The following TGFBRAP1 variants were observed in gnomAD, a reference collection of about 807,000 sequenced individuals.
TGFBRAP1 encodes the protein transforming growth factor-beta receptor-associated protein 1.
Under a neutral mutation model 83.2 loss-of-function variants are expected in TGFBRAP1, and 20 were observed. That is an observed-to-expected ratio of 0.24 (90% CI 0.17 to 0.35). The LOEUF (loss-of-function observed/expected upper bound fraction) is 0.35. Among genes scored for constraint, TGFBRAP1 ranks in the 10% least tolerant of loss-of-function variants. The pLI, the probability that TGFBRAP1 is intolerant of heterozygous loss-of-function variation, is 1.00. For synonymous variants in TGFBRAP1, 415 were observed against 459.8 expected, an observed-to-expected ratio of 0.90 and a Z score of 1.25; for missense variants, 950 against 1,099.4, an observed-to-expected ratio of 0.86 and a Z score of 1.92.
chr2:105,252,904 C>A, the TGFBRAP1 span, among the ~76,000 whole-genome samples: 4 of 151,572 alleles, frequency 2.6e-5, no homozygotes, highest in Admixed American at 2.6e-4. Context: ...AGGGGTCCAC[C>A]ACCACACCCG....
intron 2 of TGFBRAP1, among the ~76,000 whole-genome samples, chr2:105,304,400 G>GA (rs1287043476): frequency 2.0e-5 from 3 of 152,034 alleles, no homozygotes; most frequent in South Asian, 4.1e-4. Flanking sequence ...TCAATTTTCC[G>GA]AAAAAAATGT....
chr2:105,299,001 G>A (rs1240780859), intron 2 of TGFBRAP1, among the ~76,000 whole-genome samples: 1 of 152,086 alleles, frequency 6.6e-6, no homozygotes, highest in Admixed American at 6.6e-5. Context: ...AAAATAGGCC[G>A]GACGTGGTGG....
chr2:105,268,052 G>T (rs993216805), intron 11 of TGFBRAP1, among the ~76,000 whole-genome samples: 2 of 152,240 alleles, frequency 1.3e-5, no homozygotes, highest in African/African-American at 4.8e-5. Flanking sequence ...CGTTTCCTTA[G>T]AGGTAACTGG....
At chr2:105,318,951 G>T (rs2104414369) in intron 1 of TGFBRAP1, among the ~76,000 whole-genome samples, 1 of 152,152 alleles carries the variant, frequency 6.6e-6, no homozygotes, top group South Asian at 2.1e-4. Flanking sequence ...GTTCAAAACT[G>T]GTTTTACTAT....
At chr2:105,271,897 T>G (rs1164688803) in intron 10 of TGFBRAP1, among the ~76,000 whole-genome samples, 1 of 152,184 alleles carries the variant, frequency 6.6e-6, no homozygotes, top group East Asian at 1.9e-4. Flanking sequence ...TCAGCTGTCG[T>G]ACTAGCTACA....
chr2:105,301,279 C>A (rs767968373), intron 2 of TGFBRAP1, among the ~76,000 whole-genome samples: 1 of 151,826 alleles, frequency 6.6e-6, no homozygotes, highest in Admixed American at 6.6e-5. Flanking sequence ...ATTCCTTACA[C>A]TCTTCAGTAT....
chr2:105,321,944 G>A (rs760130109), intron 1 of TGFBRAP1, among the ~76,000 whole-genome samples: 35 of 152,264 alleles, frequency 2.3e-4, no homozygotes, highest in South Asian at 4.2e-4. Context: ...ATTTTAGAGC[G>A]TACACCTACT....
chr2:105,306,592 G>A (rs544010378), intron 2 of TGFBRAP1, among the ~76,000 whole-genome samples: 1 of 152,030 alleles, frequency 6.6e-6, no homozygotes, highest in East Asian at 2.0e-4. Flanking sequence ...GAGGTCAGGA[G>A]TTCAAGACCA....
intron 2 of TGFBRAP1, among the ~76,000 whole-genome samples, chr2:105,300,490 G>A (rs1182451589): frequency 7.0e-6 from 1 of 143,372 alleles, no homozygotes; most frequent in African/African-American, 2.6e-5. Context: ...AGGCTGGAGT[G>A]CAGTGGCACC....
At position 105,267,319 on chromosome 2, in the gene TGFBRAP1, C is replaced by G; in HGVS notation, c.*64G>C. The G allele has an allele frequency of 6.3e-7, 1 of 1,590,398 alleles. No homozygotes were observed. The highest frequency in any genetic ancestry group is 8.6e-7 in the Non-Finnish European group (1 of 1,167,246). On this transcript the variant is annotated 3_prime_UTR_variant, in exon 12 of 12. Transcript: ENST00000393359. ...TGACACAGAGCATGGTGGTCATCTGCTCTTCATGTCCAGCAGGCTCAGAAA... is the reference window on the plus strand; with the variant it reads ...TGACACAGAGCATGGTGGTCATCTGGTCTTCATGTCCAGCAGGCTCAGAAA...
intron 1 of TGFBRAP1, chr2:105,324,306 A>G (rs545359438): frequency 6.6e-6 from 1 of 152,338 alleles, no homozygotes; most frequent in Admixed American, 6.5e-5. Context: ...AATTACTTCA[A>G]ATTTTAAAAT....
Position 105,311,056 on chromosome 2 carries a change from C to A in TGFBRAP1, c.-17-2738G>T, listed in dbSNP as rs1267282358. ...ATAAGGGATAAACTAAACACATTTG[C>A]AGTAAAGAATATTATAGAAAGAATC... is the stretch of plus-strand genomic sequence containing the variant. On this transcript the variant is annotated intron_variant, in intron 1 of 11. Transcript: ENST00000393359. Among the ~76,000 whole-genome samples the A allele has an allele frequency of 4.0e-5, 6 of 149,296 alleles. No individual in the cohort carries two copies. In the Admixed American group the frequency reaches 4.0e-4, roughly 10 times the overall value.
intron 4 of TGFBRAP1, among the ~76,000 whole-genome samples, chr2:105,294,242 T>G (rs976121474): frequency 2.6e-5 from 4 of 152,114 alleles, no homozygotes; most frequent in Non-Finnish European, 5.9e-5. Context: ...GGTTGTTTGT[T>G]CTCTTTGTCT....
chr2:105,281,392 T>C (rs2104337967), intron 5 of TGFBRAP1, among the ~76,000 whole-genome samples: 1 of 152,296 alleles, frequency 6.6e-6, no homozygotes, highest in Middle Eastern at 3.4e-3. Flanking sequence ...CAGACCCAGC[T>C]GTGGAAAACC....
rs575768482 is a variant in TGFBRAP1 at position 105,264,686 on chromosome 2, T to G, written c.*2697A>C. On this transcript the variant is annotated 3_prime_UTR_variant, in exon 12 of 12. Transcript: ENST00000393359. ...AGAAGCACATGTAAGCACGCGTCAGTGAGAGCGTCGCAGTTGAACTCAGCC... is the reference window on the plus strand; with the variant it reads ...AGAAGCACATGTAAGCACGCGTCAGGGAGAGCGTCGCAGTTGAACTCAGCC... The G allele has an allele frequency of 6.6e-6, 1 of 152,388 alleles. No individual in the cohort carries two copies. The highest frequency in any genetic ancestry group is 1.5e-5 in the Non-Finnish European group (1 of 68,040). The allele number at this position is 152,388 out of a possible 1,614,324, so 9.4% of individuals were successfully genotyped here. A position where few individuals can be genotyped will look rare whatever the true frequency, so the allele number is the denominator to read the frequency against.
chr2:105,275,064 C>G (rs1458222804), intron 8 of TGFBRAP1, among the ~76,000 whole-genome samples: 1 of 152,174 alleles, frequency 6.6e-6, no homozygotes, highest in African/African-American at 2.4e-5. Context: ...GAGTCTTGCT[C>G]ATGGCTCCCC....
Position 105,264,683 on chromosome 2 carries a change from C to T in TGFBRAP1, c.*2700G>A, listed in dbSNP as rs1218788374. On this transcript the variant is annotated 3_prime_UTR_variant, in exon 12 of 12. Coordinates refer to ENST00000393359, the MANE Select transcript of TGFBRAP1 (RefSeq NM_004257.6). The stretch of plus-strand genomic sequence containing the variant: ...GTGAGAAGCACATGTAAGCACGCGT[C>T]AGTGAGAGCGTCGCAGTTGAACTCA... 6.6e-6 allele frequency: 1 copy of T among 152,264 alleles called. No homozygotes were observed. The highest frequency in any genetic ancestry group is 1.5e-5 in the Non-Finnish European group (1 of 68,050). 9.4% of individuals were successfully genotyped at this position (152,264 alleles called of 1,614,324 possible).
intron 1 of TGFBRAP1, among the ~76,000 whole-genome samples, chr2:105,325,955 C>T (rs189113453): frequency 4.1e-4 from 62 of 152,086 alleles, no homozygotes; most frequent in Admixed American, 3.9e-3. Flanking sequence ...CTTTTGCACT[C>T]ATGCAACAGA....
intron 2 of TGFBRAP1, among the ~76,000 whole-genome samples, chr2:105,300,981 T>A (rs1558645792): frequency 6.6e-6 from 1 of 151,948 alleles, no homozygotes; most frequent in Non-Finnish European, 1.5e-5. Context: ...CTCAACACTT[T>A]GGGAGGCCAA....
Sources: gnomAD v4.1 joint callset for allele counts (sites outside exome capture counted in the v4.1 genomes callset) on GRCh38, gnomAD v4.1.1 for gene constraint, MANE v1.5 for transcripts, NCBI Gene and HGNC (gene_info 2026-07-23, HGNC 2026-07-21) for gene names.